ARHGEF7: variants seen among roughly 807,000 people sequenced by gnomAD.
ARHGEF7 encodes Rho guanine nucleotide exchange factor 7.
ARHGEF7 carries 33 observed loss-of-function variants against 109.8 expected under a neutral mutation model. The ratio of observed to expected loss-of-function variants is 0.30; its 90% confidence interval spans 0.23 to 0.40. The LOEUF (loss-of-function observed/expected upper bound fraction) is 0.40. ARHGEF7 is among the 10% of genes least tolerant of loss of function. ARHGEF7 has a pLI of 1.00. For missense variants in ARHGEF7, 938 were observed against 1,098.5 expected (o/e 0.85, Z 2.07); for synonymous variants, 458 against 424.6 (o/e 1.08, Z -0.97).
At chr13:111,152,152 G>T (rs1051225086) in intron 1 of ARHGEF7, among the ~76,000 whole-genome samples, 1 of 150,978 alleles carries the variant, frequency 6.6e-6, no homozygotes, top group Non-Finnish European at 1.5e-5. Flanking sequence ...CAACTTTTTG[G>T]GTGAAGTGGA....
intron 2 of ARHGEF7, among the ~76,000 whole-genome samples, chr13:111,190,486 A>T (rs1030854151): frequency 6.6e-6 from 1 of 152,128 alleles, no homozygotes; most frequent in Non-Finnish European, 1.5e-5. Flanking sequence ...ACTGCTGCCA[A>T]AGAGTCTATT....
At chr13:111,120,422 CGCAT>C (rs1236046171) in intron 1 of ARHGEF7, among the ~76,000 whole-genome samples, 3 of 152,218 alleles carry the variant, frequency 2.0e-5, no homozygotes, top group Non-Finnish European at 4.4e-5. Context: ...TATGCACACA[CGCAT>C]GCATGCCTGC....
In ARHGEF7 at chr13:111,275,892, C is replaced by T. The variant is rs1025950317; in HGVS notation, c.1419+214C>T. ...TGTGGACTTGTTGATCAGTTTGATC[C>T]AGCTGAAGTCAGTGTGGCCCGAAGC... On this transcript the variant is annotated intron_variant, in intron 12 of 21. Transcript: ENST00000646102. 5 of 568,746 alleles carry T rather than the reference C, an allele frequency of 8.8e-6. No individual in the cohort carries two copies. In the African/African-American group the frequency reaches 9.5e-5, roughly 11 times the overall value. 35.2% of individuals were successfully genotyped at this position (568,746 alleles called of 1,614,324 possible).
chr13:111,282,893 A>G (rs1181100465), intron 15 of ARHGEF7: 2 of 591,806 alleles, frequency 3.4e-6, no homozygotes, highest in Non-Finnish European at 5.9e-6. Context: ...GGCCCCAGCT[A>G]GAGCTGCCCC....
At chr13:111,170,360 A>G (rs955704592) in intron 2 of ARHGEF7, among the ~76,000 whole-genome samples, 1 of 152,228 alleles carries the variant, frequency 6.6e-6, no homozygotes, top group African/African-American at 2.4e-5. Flanking sequence ...GGCCTCCCAA[A>G]GTGCTGGGAT....
chr13:111,302,143 A>G (rs1415606701), intron 21 of ARHGEF7, among the ~76,000 whole-genome samples: 1 of 152,194 alleles, frequency 6.6e-6, no homozygotes, highest in African/African-American at 2.4e-5. Flanking sequence ...CTGCCACTGC[A>G]TGGTCCTTGG....
rs2093614128 is a variant in ARHGEF7 at position 111,303,824 on chromosome 13, A to T, written c.*711A>T. 1 of 152,158 alleles carries T rather than the reference A, an allele frequency of 6.6e-6. No homozygotes were observed. The highest frequency in any genetic ancestry group is 6.5e-5 in the Admixed American group (1 of 15,276). The allele number at this position is 152,158 out of a possible 1,614,324, so 9.4% of individuals were successfully genotyped here. A position where few individuals can be genotyped will look rare whatever the true frequency, so the allele number is the denominator to read the frequency against. ...ATACGGCACTGCCGCATCCACCTAG[A>T]GGTGTTTGCTCTTGTCCGCTGTCTG... On this transcript the variant is annotated 3_prime_UTR_variant, in exon 22 of 22. Transcript: ENST00000646102.
intron 8 of ARHGEF7, among the ~76,000 whole-genome samples, chr13:111,259,664 CT>C (rs2090871262): frequency 1.3e-5 from 2 of 152,144 alleles, no homozygotes; most frequent in South Asian, 4.1e-4. Context: ...ACAAACAAGC[CT>C]AGGCTGTGAA....
chr13:111,186,384 GAAAT>G (rs151224003), intron 2 of ARHGEF7, among the ~76,000 whole-genome samples: 14,637 of 152,182 alleles, frequency 0.096, 804 homozygotes, highest in African/African-American at 0.15. Flanking sequence ...ATTTTAAAGT[GAAAT>G]AAATCATTTG....
intron 2 of ARHGEF7, among the ~76,000 whole-genome samples, chr13:111,189,105 A>G (rs2079566677): frequency 6.6e-6 from 1 of 152,202 alleles, no homozygotes; most frequent in African/African-American, 2.4e-5. Flanking sequence ...CATTTAAGGA[A>G]AAAGGATAGG....
rs771176818 is a variant in ARHGEF7, at chr13:111,272,498, G to A, written c.1074-1316G>A. 4.6e-5 allele frequency among the ~76,000 whole-genome samples: 7 copies of A among 152,180 alleles called. No individual in the cohort carries two copies. Among genetic ancestry groups the A allele is most frequent in the Admixed American group, 1.3e-4 (2 of 15,286 alleles). ...TTTAGGACATCGTTTACATAATGAGGATATAAAAGTATCTTTTCCTTTTAA... is the reference window on the plus strand; with the variant it reads ...TTTAGGACATCGTTTACATAATGAGAATATAAAAGTATCTTTTCCTTTTAA... On this transcript the variant is annotated intron_variant, in intron 9 of 21. Transcript: ENST00000646102. This position sits in a 1 kb window ranked among gnomAD's most constrained non-coding sequence, Gnocchi z 5.2.
rs977314975 is a variant in ARHGEF7 at position 111,145,175 on chromosome 13, A to G, written c.166-8730A>G. On this transcript the variant is annotated intron_variant, in intron 1 of 21. Coordinates refer to ENST00000646102, the MANE Select transcript of ARHGEF7 (RefSeq NM_001354046.2). The surrounding 1 kb of genome is among the most constrained non-coding windows in gnomAD (Gnocchi z 4.3). The stretch of plus-strand genomic sequence containing the variant: ...TTAAAGGCTGTATGGTAGTGGTGAT[A>G]GTCTGTTTGTGGAAGCATTAGAATT... Among the ~76,000 whole-genome samples, 1 of 152,106 alleles carries G rather than the reference A, an allele frequency of 6.6e-6. No individual in the cohort carries two copies. Among genetic ancestry groups the G allele is most frequent in the Non-Finnish European group, 1.5e-5 (1 of 68,028 alleles).
Position 111,272,663 on chromosome 13 carries a change from A to T in ARHGEF7, c.1074-1151A>T, listed in dbSNP as rs888661933. Among the ~76,000 whole-genome samples the T allele has an allele frequency of 1.2e-4, 18 of 152,112 alleles. No homozygotes were observed. The highest frequency in any genetic ancestry group is 1.2e-3 in the Admixed American group (18 of 15,290). On this transcript the variant is annotated intron_variant, in intron 9 of 21. Transcript: ENST00000646102. The surrounding 1 kb of genome is among the most constrained non-coding windows in gnomAD (Gnocchi z 5.2). ...GGCGGGGGTCACCTGGGTCTCCTGG[A>T]TGGGATGTGGTGACTGAGAAGTCAT...
At chr13:111,249,862 C>T (rs2089490924) in intron 8 of ARHGEF7, among the ~76,000 whole-genome samples, 1 of 152,142 alleles carries the variant, frequency 6.6e-6, no homozygotes, top group Non-Finnish European at 1.5e-5. Flanking sequence ...AATGACAGCT[C>T]TCTGTTCGGC....
At chr13:111,205,978 T>C (rs186082937) in intron 3 of ARHGEF7, among the ~76,000 whole-genome samples, 1 of 152,254 alleles carries the variant, frequency 6.6e-6, no homozygotes, top group Non-Finnish European at 1.5e-5. Context: ...AGGTGCATGT[T>C]GTCCATGATG....
rs2153611702 is a variant in ARHGEF7, at chr13:111,283,268, C to T, written c.1855C>T (p.Pro619Ser). 1.9e-6 allele frequency: 3 copies of T among 1,582,736 alleles called. No individual in the cohort carries two copies. Among genetic ancestry groups the T allele is most frequent in the Non-Finnish European group, 2.6e-6 (3 of 1,167,628 alleles). ...GTPHTTINWG[P>S]LEPPKTPKPW... The stretch of plus-strand genomic sequence containing the variant: ...CCCGCACACCACCATCAACTGGGGA[C>T]CCCTGGAGCCTCCGAAAACACCCAA... The change falls in exon 16 of 22, where the codon CCC (proline) becomes TCC (serine). Residue 619 changes from proline to serine, a missense_variant. Pro to Ser is a moderately conservative substitution (Grantham distance 74). This residue lies in a region of ARHGEF7 where 585 missense variants were observed against 723.6 expected (regional missense o/e 0.81). Coordinates refer to ENST00000646102, the MANE Select transcript of ARHGEF7 (RefSeq NM_001354046.2).
At chr13:111,189,577 AT>A (rs1291120230) in intron 2 of ARHGEF7, among the ~76,000 whole-genome samples, 1 of 152,172 alleles carries the variant, frequency 6.6e-6, no homozygotes, top group East Asian at 1.9e-4. Flanking sequence ...CAGCAGCAAG[AT>A]TTATTGTGAA....
intron 4 of ARHGEF7, among the ~76,000 whole-genome samples, chr13:111,212,374 G>C (rs1327223219): frequency 6.6e-6 from 1 of 152,166 alleles, no homozygotes; most frequent in African/African-American, 2.4e-5. Flanking sequence ...GTAGGCGCCA[G>C]TTGTAGATTT....
chr13:111,232,347 T>C (rs1419563115), intron 5 of ARHGEF7, among the ~76,000 whole-genome samples: 1 of 151,766 alleles, frequency 6.6e-6, no homozygotes, highest in Admixed American at 6.6e-5. Context: ...CACCACCCCA[T>C]AGAACTATGG....
Sources: gnomAD v4.1 joint callset for allele counts (sites outside exome capture counted in the v4.1 genomes callset) on GRCh38, gnomAD v4.1.1 for gene constraint, gnomAD v4.1.1 regional missense constraint, Gnocchi (gnomAD v3.1) non-coding constraint, MANE v1.5 for transcripts, NCBI Gene and HGNC (gene_info 2026-07-23, HGNC 2026-07-21) for gene names.